The following ATRNL1 variants were observed in gnomAD, a reference collection of about 807,000 sequenced individuals.
ATRNL1 encodes the protein attractin-like protein 1.
Under a neutral mutation model 182.7 loss-of-function variants are expected in ATRNL1, and 95 were observed. The observed-to-expected ratio is 0.52, with a 90% confidence interval of 0.44 to 0.62. The LOEUF is 0.62. ATRNL1 is among the 20% of genes least tolerant of loss of function. ATRNL1 has a pLI of 0.00. For synonymous variants in ATRNL1, 576 were observed against 568.3 expected (o/e 1.01, Z -0.19); for missense variants, 1,471 against 1,679.5 (o/e 0.88, Z 2.17).
intron 26 of ATRNL1, among the ~76,000 whole-genome samples, chr10:115,592,945 G>GTCTATCTA (rs1264774313): frequency 2.0e-5 from 3 of 151,920 alleles, no homozygotes; most frequent in Non-Finnish European, 2.9e-5. Flanking sequence ...CTGTCTATCT[G>GTCTATCTA]TCTATCTATC....
intron 27 of ATRNL1, among the ~76,000 whole-genome samples, chr10:115,741,645 A>G (rs1372136451): frequency 6.6e-6 from 1 of 152,188 alleles, no homozygotes; most frequent in Non-Finnish European, 1.5e-5. Flanking sequence ...TAGAGAAACA[A>G]TTTGGAAGGG....
intron 25 of ATRNL1, among the ~76,000 whole-genome samples, chr10:115,549,077 T>C (rs1554994724): frequency 2.0e-5 from 3 of 152,028 alleles, no homozygotes; most frequent in Non-Finnish European, 4.4e-5. Flanking sequence ...GTGATAAAAA[T>C]AATATAAATG....
At position 115,256,727 on chromosome 10, in the gene ATRNL1, G is replaced by A. The variant is rs559439299; in HGVS notation, c.1688-8466G>A. Reference sequence around the variant, plus strand: ...CTTCTCTAGTTCTCTTATTTGTGATGTTGGGTGTCGATTTTAGATCTTTCC... The same window carrying A: ...CTTCTCTAGTTCTCTTATTTGTGATATTGGGTGTCGATTTTAGATCTTTCC... On this transcript the variant is annotated intron_variant, in intron 10 of 28. Coordinates refer to ENST00000355044, the MANE Select transcript of ATRNL1 (RefSeq NM_207303.4). Among the ~76,000 whole-genome samples, 361 of 152,234 alleles carry A rather than the reference G, an allele frequency of 2.4e-3. 1 individual carries two copies. The highest frequency in any genetic ancestry group is 4.1e-3 in the Non-Finnish European group (278 of 68,004).
intron 1 of ATRNL1, among the ~76,000 whole-genome samples, chr10:115,101,693 A>G (rs553052674): frequency 3.3e-5 from 5 of 152,328 alleles, no homozygotes; most frequent in Admixed American, 2.6e-4. Flanking sequence ...TGGTGACAAG[A>G]TAATGCTGGC....
intron 19 of ATRNL1, among the ~76,000 whole-genome samples, chr10:115,386,827 A>C (rs703352): frequency 1.0e-5 from 1 of 99,636 alleles, no homozygotes; most frequent in African/African-American, 3.9e-5. Context: ...CCCCCACCCC[A>C]CAACAGTCCC....
At chr10:115,156,566 A>AG (rs1846527953) in intron 5 of ATRNL1, among the ~76,000 whole-genome samples, 1 of 152,066 alleles carries the variant, frequency 6.6e-6, no homozygotes, top group African/African-American at 2.4e-5. Flanking sequence ...CCCTTAAAAA[A>AG]TCTCTCAGCA....
At chr10:115,536,518 C>G (rs1398250422) in intron 25 of ATRNL1, among the ~76,000 whole-genome samples, 1 of 152,210 alleles carries the variant, frequency 6.6e-6, no homozygotes, top group African/African-American at 2.4e-5. Context: ...GTCTGTCACC[C>G]CTTTCTTTGA....
chr10:115,898,566 T>A (rs1952267173), intron 28 of ATRNL1, among the ~76,000 whole-genome samples: 1 of 152,184 alleles, frequency 6.6e-6, no homozygotes, highest in Non-Finnish European at 1.5e-5. Context: ...GGGCCAAGCA[T>A]GTGTCTCCTT....
intron 28 of ATRNL1, among the ~76,000 whole-genome samples, chr10:115,849,855 C>A (rs958521414): frequency 6.6e-6 from 1 of 152,108 alleles, no homozygotes; most frequent in African/African-American, 2.4e-5. Flanking sequence ...TAGCAGAAAG[C>A]CTCTCTAAAA....
intron 5 of ATRNL1, among the ~76,000 whole-genome samples, chr10:115,152,749 A>G (rs979197157): frequency 3.3e-5 from 5 of 152,122 alleles, no homozygotes; most frequent in Admixed American, 1.3e-4. Flanking sequence ...TTCCAACACT[A>G]TGTTGAATAA....
At chr10:115,709,414 ATGAT>A (rs1348354674) in intron 26 of ATRNL1, among the ~76,000 whole-genome samples, 2 of 151,936 alleles carry the variant, frequency 1.3e-5, no homozygotes, top group South Asian at 2.1e-4. Flanking sequence ...TGTCAAGTAA[ATGAT>A]TGACACAAAT....
At chr10:115,859,027 C>T (rs1036942249) in intron 28 of ATRNL1, among the ~76,000 whole-genome samples, 17 of 151,920 alleles carry the variant, frequency 1.1e-4, no homozygotes, top group African/African-American at 4.1e-4. Context: ...TGCAGATGAT[C>T]ACCTATAGCT....
chr10:115,235,153 A>G (rs1554901082), intron 9 of ATRNL1, among the ~76,000 whole-genome samples: 2 of 152,130 alleles, frequency 1.3e-5, no homozygotes, highest in African/African-American at 2.4e-5. Context: ...CACATTTTGT[A>G]TTTTTGTTAG....
intron 18 of ATRNL1, among the ~76,000 whole-genome samples, chr10:115,322,204 A>G (rs1317119015): frequency 6.6e-6 from 1 of 151,912 alleles, no homozygotes; most frequent in African/African-American, 2.4e-5. Flanking sequence ...TTGCTACTAC[A>G]TCTATATATG....
intron 15 of ATRNL1, among the ~76,000 whole-genome samples, chr10:115,287,325 T>A (rs1852665238): frequency 1.3e-5 from 2 of 151,930 alleles, no homozygotes; most frequent in South Asian, 2.1e-4. Flanking sequence ...TATAGAAAAA[T>A]TTATTTTTGA....
At chr10:115,592,675 A>T (rs1375835928) in intron 26 of ATRNL1, among the ~76,000 whole-genome samples, 1 of 152,220 alleles carries the variant, frequency 6.6e-6, no homozygotes, top group Non-Finnish European at 1.5e-5. Flanking sequence ...TATTTTCAAC[A>T]TTCATCCATG....
chr10:115,772,243 G>A (rs1949011319), intron 27 of ATRNL1, among the ~76,000 whole-genome samples: 1 of 152,178 alleles, frequency 6.6e-6, no homozygotes, highest in African/African-American at 2.4e-5. Context: ...TATTCACAAT[G>A]GCATTTCACA....
intron 19 of ATRNL1, among the ~76,000 whole-genome samples, chr10:115,362,295 T>A (rs1384960012): frequency 1.3e-5 from 2 of 152,034 alleles, no homozygotes; most frequent in Non-Finnish European, 2.9e-5. Flanking sequence ...GAGCTATAAA[T>A]AAAAATGTAA....
At chr10:115,831,053 C>T (rs1261789807) in intron 27 of ATRNL1, among the ~76,000 whole-genome samples, 1 of 152,106 alleles carries the variant, frequency 6.6e-6, no homozygotes, top group African/African-American at 2.4e-5. Flanking sequence ...ATAGATTTTT[C>T]CACGTTTTCT....
Sources: allele counts gnomAD v4.1 joint callset (sites outside exome capture counted in the v4.1 genomes callset), GRCh38; gene constraint gnomAD v4.1.1; transcripts MANE v1.5; gene names NCBI Gene and HGNC (gene_info 2026-07-23, HGNC 2026-07-21).